Variants in GRAMD2B observed in about 807,000 individuals in gnomAD.
GRAMD2B encodes the protein GRAM domain containing 2B.
In GRAMD2B, 41 loss-of-function variants were observed where a neutral mutation model predicts 59.2. That is an observed-to-expected ratio of 0.69 (90% CI 0.54 to 0.90). GRAMD2B has a LOEUF of 0.90. Among genes scored for constraint, GRAMD2B ranks in the 40% least tolerant of loss-of-function variants. GRAMD2B has a pLI of 0.00. For missense variants in GRAMD2B, 424 were observed against 500.5 expected (o/e 0.85, Z 1.46); for synonymous variants, 161 against 182.7 (o/e 0.88, Z 0.96).
intron 1 of GRAMD2B, among the ~76,000 whole-genome samples, chr5:126,436,791 A>AT (rs1294002862): frequency 6.6e-6 from 1 of 152,212 alleles, no homozygotes; most frequent in Admixed American, 6.5e-5. Context: ...CAGCATGGGG[A>AT]TTGAATGAAG....
intron 1 of GRAMD2B, among the ~76,000 whole-genome samples, chr5:126,436,618 C>T (rs1561519743): frequency 6.6e-6 from 1 of 152,210 alleles, no homozygotes. Context: ...TGCCACTGCA[C>T]TTCAGCCTGA....
chr5:126,454,649 A>G (rs1331084991), intron 1 of GRAMD2B, among the ~76,000 whole-genome samples: 1 of 152,198 alleles, frequency 6.6e-6, no homozygotes, highest in Non-Finnish European at 1.5e-5. Flanking sequence ...TGGGACAATG[A>G]CTTGTCCACT....
At chr5:126,379,725 A>G (rs930444207) in intron 1 of GRAMD2B, among the ~76,000 whole-genome samples, 1 of 152,060 alleles carries the variant, frequency 6.6e-6, no homozygotes, top group African/African-American at 2.4e-5. Context: ...GTGTCTATTC[A>G]TGTCCTTAGC....
intron 6 of GRAMD2B, 199 bp from the exon 7 acceptor site, chr5:126,480,257 T>A: frequency 1.8e-6 from 1 of 547,068 alleles, no homozygotes; most frequent in East Asian, 3.0e-5. Context: ...ATTTTGTTGC[T>A]TTTATGGGAG....
chr5:126,432,309 T>C (rs1188848461), intron 1 of GRAMD2B, among the ~76,000 whole-genome samples: 1 of 152,214 alleles, frequency 6.6e-6, no homozygotes, highest in Non-Finnish European at 1.5e-5. Context: ...TATACCCATA[T>C]TTGTTGTCTT....
chr5:126,482,833 CT>C (rs1442235155), intron 8 of GRAMD2B, among the ~76,000 whole-genome samples: 4 of 152,160 alleles, frequency 2.6e-5, no homozygotes, highest in Non-Finnish European at 4.4e-5. Context: ...CTCTTCAGTT[CT>C]TAAGCACTTT....
At chr5:126,399,297 T>C (rs1389048510) in intron 1 of GRAMD2B, among the ~76,000 whole-genome samples, 1 of 152,206 alleles carries the variant, frequency 6.6e-6, no homozygotes, top group African/African-American at 2.4e-5. Flanking sequence ...TTTGTATATA[T>C]GATATGGTTT....
At position 126,371,656 on chromosome 5, in the gene GRAMD2B, A is replaced by G. The variant is rs1043579043; in HGVS notation, c.125+89A>G. 3 of 1,113,766 alleles carry G rather than the reference A, an allele frequency of 2.7e-6. No individual in the cohort carries two copies. In the Admixed American group the frequency reaches 1.1e-4, roughly 42 times the overall value. The allele number at this position is 1,113,766 out of a possible 1,614,324, so 69.0% of individuals were successfully genotyped here. A position where few individuals can be genotyped will look rare whatever the true frequency, so the allele number is the denominator to read the frequency against. On this transcript the variant is annotated intron_variant, in intron 1 of 8. Coordinates refer to the GRAMD2B transcript ENST00000506445. ...GTGACCCTTGGAGAGCTCCTTTTTC[A>G]TTCCTGGAGGTAGGGATCAGCCATG...
chr5:126,401,859 T>C (rs1012759927), intron 1 of GRAMD2B, among the ~76,000 whole-genome samples: 18 of 152,074 alleles, frequency 1.2e-4, no homozygotes, highest in Admixed American at 2.6e-4. Flanking sequence ...AGTCAAGATA[T>C]CACTGTTGCT....
chr5:126,364,478 C>G (rs1478772773), intron 1 of GRAMD2B, among the ~76,000 whole-genome samples: 1 of 152,138 alleles, frequency 6.6e-6, no homozygotes, highest in Non-Finnish European at 1.5e-5. Context: ...GGATCGCTTC[C>G]CGCTCTTGTC....
intron 1 of GRAMD2B, among the ~76,000 whole-genome samples, chr5:126,398,730 A>T (rs942327860): frequency 5.3e-5 from 8 of 152,084 alleles, no homozygotes; most frequent in Non-Finnish European, 7.4e-5. Context: ...TAAAGTAGGC[A>T]TTCATCACTA....
chr5:126,464,638 T>C (rs1257155579), intron 1 of GRAMD2B, among the ~76,000 whole-genome samples: 2 of 152,182 alleles, frequency 1.3e-5, no homozygotes, highest in African/African-American at 2.4e-5. Context: ...CCAACGCCTA[T>C]TGATCATGAC....
intron 1 of GRAMD2B, among the ~76,000 whole-genome samples, chr5:126,390,927 C>G (rs1177877219): frequency 6.6e-6 from 1 of 152,144 alleles, no homozygotes; most frequent in Admixed American, 6.5e-5. Context: ...GAGTTGGACT[C>G]TACATGAAAA....
intron 1 of GRAMD2B, among the ~76,000 whole-genome samples, chr5:126,377,073 A>G (rs947617504): frequency 1.3e-4 from 19 of 150,046 alleles, no homozygotes; most frequent in African/African-American, 4.4e-4. Flanking sequence ...TCTTTCCCAG[A>G]CTTCACCAGA....
At chr5:126,396,001 T>G (rs912093817) in intron 1 of GRAMD2B, among the ~76,000 whole-genome samples, 1 of 152,204 alleles carries the variant, frequency 6.6e-6, no homozygotes, top group Admixed American at 6.5e-5. Flanking sequence ...AAATGTGAAG[T>G]ATACAATATA....
intron 1 of GRAMD2B, among the ~76,000 whole-genome samples, chr5:126,390,326 GTAAA>G (rs1275435465): frequency 3.9e-5 from 6 of 152,228 alleles, no homozygotes; most frequent in Non-Finnish European, 5.9e-5. Flanking sequence ...GTAAAGCATG[GTAAA>G]TAGTTAACTG....
intron 1 of GRAMD2B, among the ~76,000 whole-genome samples, chr5:126,457,212 AAAAAAAAAAG>A (rs1766468430): frequency 1.3e-5 from 2 of 149,612 alleles, no homozygotes; most frequent in Admixed American, 6.7e-5. Context: ...AAAAAAAAAA[AAAAAAAAAAG>A]AAGTACCTGG....
intron 4 of GRAMD2B, among the ~76,000 whole-genome samples, chr5:126,472,724 C>A (rs1228720512): frequency 6.6e-6 from 1 of 152,162 alleles, no homozygotes; most frequent in Non-Finnish European, 1.5e-5. Flanking sequence ...ACCTAAATAT[C>A]TTGCCCAGCA....
intron 1 of GRAMD2B, 147 bp from the exon 2 acceptor site, chr5:126,465,279 G>A: frequency 6.7e-7 from 1 of 1,488,548 alleles, no homozygotes; most frequent in Non-Finnish European, 8.9e-7. Context: ...TGGAGATTGG[G>A]AAAGGGCCTC....
Sources: allele counts gnomAD v4.1 joint callset (sites outside exome capture counted in the v4.1 genomes callset), GRCh38; gene constraint gnomAD v4.1.1; transcripts MANE v1.5; gene names NCBI Gene and HGNC (gene_info 2026-07-23, HGNC 2026-07-21).